Variants in ASH2L observed in about 807,000 individuals in gnomAD.
The protein encoded by ASH2L is ASH2 like, histone lysine methyltransferase complex subunit.
In ASH2L, 30 loss-of-function variants were observed where a neutral mutation model predicts 81.1. The observed-to-expected ratio is 0.37, with a 90% confidence interval of 0.28 to 0.50. The LOEUF (loss-of-function observed/expected upper bound fraction) is 0.50, where lower values mean the gene tolerates loss of function less well. Ranked by LOEUF, ASH2L falls within the 20% of genes least tolerant of loss-of-function variation. The pLI is 0.95. For synonymous variants in ASH2L, 273 were observed against 279.9 expected, an observed-to-expected ratio of 0.98 and a Z score of 0.24; for missense variants, 559 against 792.1, an observed-to-expected ratio of 0.71 and a Z score of 3.53.
intron 8 of ASH2L, among the ~76,000 whole-genome samples, chr8:38,118,434 C>T (rs1472360234): frequency 6.6e-6 from 1 of 152,206 alleles, no homozygotes. Flanking sequence ...TTCAGAAATA[C>T]ACAAGGTAAT....
intron 14 of ASH2L, among the ~76,000 whole-genome samples, chr8:38,137,041 C>A (rs1173105054): frequency 6.9e-6 from 1 of 145,794 alleles, no homozygotes; most frequent in Non-Finnish European, 1.5e-5. Flanking sequence ...TGCAGTGAGC[C>A]AAGATTACAC....
intron 14 of ASH2L, 145 bp downstream of exon 14, chr8:38,135,911 A>G: frequency 1.7e-6 from 1 of 581,032 alleles, no homozygotes; most frequent in Non-Finnish European, 3.0e-6. Context: ...TGTTTAGTCC[A>G]GAAACAGTTT....
At chr8:38,118,339 G>A (rs1279002823) in intron 8 of ASH2L, among the ~76,000 whole-genome samples, 2 of 152,180 alleles carry the variant, frequency 1.3e-5, no homozygotes, top group Admixed American at 1.3e-4. Flanking sequence ...GTGTTTTCCT[G>A]CAGTTCAGGG....
In ASH2L at chr8:38,110,424, C is replaced by T; in HGVS notation, c.447C>T (p.Val149=). The T allele has an allele frequency of 6.2e-7, 1 of 1,614,238 alleles. No individual in the cohort carries two copies. Among genetic ancestry groups the T allele is most frequent in the Admixed American group, 1.7e-5 (1 of 60,028 alleles). ...CCAACTACAGTTTTCATTGCAACGTCTGCCATCACAGTGGGAATACCTATT... is the reference window on the plus strand; with the variant it reads ...CCAACTACAGTTTTCATTGCAACGTTTGCCATCACAGTGGGAATACCTATT... The part of the protein sequence containing the change: ...FMTNYSFHCN[V]CHHSGNTYFL... Residue 149 remains valine, a synonymous_variant, in exon 4 of 16, where the codon GTC becomes GTT. Coordinates refer to ENST00000343823, the MANE Select transcript of ASH2L (RefSeq NM_004674.5).
chr8:38,109,116 A>T (rs1418212290), intron 3 of ASH2L, among the ~76,000 whole-genome samples: 1 of 152,180 alleles, frequency 6.6e-6, no homozygotes, highest in Non-Finnish European at 1.5e-5. Flanking sequence ...GTTAGGTGGG[A>T]TGGATTATCT....
intron 12 of ASH2L, among the ~76,000 whole-genome samples, chr8:38,131,442 G>A (rs987151910): frequency 6.6e-6 from 1 of 151,920 alleles, no homozygotes; most frequent in Non-Finnish European, 1.5e-5. Context: ...CCAGGAGCTC[G>A]AGGCCAGCCT....
intron 8 of ASH2L, among the ~76,000 whole-genome samples, chr8:38,117,160 C>G (rs1020360279): frequency 6.6e-6 from 1 of 152,168 alleles, no homozygotes; most frequent in Non-Finnish European, 1.5e-5. Flanking sequence ...TATTAACCAC[C>G]CATTGCAGCT....
intron 2 of ASH2L, 151 bp from the exon 3 acceptor site, chr8:38,106,870 C>T (rs557130867): frequency 2.4e-5 from 20 of 820,504 alleles, no homozygotes; most frequent in African/African-American, 1.6e-4. Context: ...GTGGCTCATG[C>T]CTGTAATCCC....
intron 8 of ASH2L, 96 bp downstream of exon 8, chr8:38,116,821 G>T: frequency 1.0e-6 from 1 of 1,001,670 alleles, no homozygotes. Flanking sequence ...CCTTAACCTG[G>T]ATACTTACTA....
At chr8:38,107,714 C>G (rs1342634120) in intron 3 of ASH2L, among the ~76,000 whole-genome samples, 1 of 151,978 alleles carries the variant, frequency 6.6e-6, no homozygotes, top group East Asian at 1.9e-4. Context: ...TTTCCTTATA[C>G]TGACTGTCTG....
chr8:38,135,032 C>T (rs1326074488), intron 13 of ASH2L, among the ~76,000 whole-genome samples: 5 of 151,426 alleles, frequency 3.3e-5, no homozygotes, highest in Non-Finnish European at 5.9e-5. Context: ...CCAAGGAGTC[C>T]ATGGAAGGCC....
intron 12 of ASH2L, among the ~76,000 whole-genome samples, chr8:38,129,716 T>G (rs889244038): frequency 4.6e-5 from 7 of 152,190 alleles, no homozygotes. Context: ...TTGTACCTCT[T>G]CTTGAACTTA....
In ASH2L at chr8:38,133,283, A is replaced by G. The variant is rs530665544; in HGVS notation, c.1528-171A>G. Among the ~76,000 whole-genome samples, 11 of 152,296 alleles carry G rather than the reference A, an allele frequency of 7.2e-5. No individual in the cohort carries two copies. In the South Asian group the frequency reaches 2.1e-3, roughly 29 times the overall value. On this transcript the variant is annotated intron_variant, in intron 12 of 15. Coordinates refer to ENST00000343823, the MANE Select transcript of ASH2L (RefSeq NM_004674.5). Reference sequence around the variant, plus strand: ...TTTTAATAAACATGTGCCATCTGGTATTTTTTAAGAAGTGTGTAATAGTTC... The same window carrying G: ...TTTTAATAAACATGTGCCATCTGGTGTTTTTTAAGAAGTGTGTAATAGTTC...
At chr8:38,125,230 A>G (rs540991024) in intron 10 of ASH2L, among the ~76,000 whole-genome samples, 1 of 152,226 alleles carries the variant, frequency 6.6e-6, no homozygotes, top group Non-Finnish European at 1.5e-5. Context: ...AGATTTTGCC[A>G]TGTTTGCTTT....
intron 3 of ASH2L, among the ~76,000 whole-genome samples, chr8:38,107,454 A>G (rs767138982): frequency 6.6e-6 from 1 of 152,204 alleles, no homozygotes; most frequent in African/African-American, 2.4e-5. Context: ...TATATAAACA[A>G]ATTTAGAACA....
At chr8:38,135,285 A>C (rs1301912535) in intron 13 of ASH2L, among the ~76,000 whole-genome samples, 1 of 152,092 alleles carries the variant, frequency 6.6e-6, no homozygotes, top group African/African-American at 2.4e-5. Context: ...TGTCTCTATA[A>C]AAAAATTTTA....
intron 1 of ASH2L, 193 bp from the exon 2 acceptor site, chr8:38,106,185 G>T (rs1280054675): frequency 2.0e-6 from 3 of 1,511,958 alleles, no homozygotes; most frequent in Non-Finnish European, 2.7e-6. Context: ...GTGCTCCGTG[G>T]GTCCGCGACT....
rs1434258942 is a variant in ASH2L, at chr8:38,121,649, T to C, written c.1165+500T>C. ...TTCCAAAGCCATTGCTTATCTTTCA[T>C]GACCATGATATTTTTAAGTGTTTTA... is the stretch of plus-strand genomic sequence containing the variant. On this transcript the variant is annotated intron_variant, in intron 10 of 15. Coordinates refer to ENST00000343823, the MANE Select transcript of ASH2L (RefSeq NM_004674.5). Among the ~76,000 whole-genome samples the C allele has an allele frequency of 2.6e-5, 4 of 152,294 alleles. No homozygotes were observed. The East Asian group carries it at 7.7e-4, about 29-fold the overall frequency.
Position 38,120,928 on chromosome 8 carries a change from G to T in ASH2L, c.948-4G>T. On this transcript the variant is annotated splice_region_variant and splice_polypyrimidine_tract_variant and intron_variant, in intron 9 of 15. Coordinates refer to ENST00000343823, the MANE Select transcript of ASH2L (RefSeq NM_004674.5). The stretch of plus-strand genomic sequence containing the variant: ...TTTTTGATGTTATTTTTTCCTTTCT[G>T]CAGTGACCCTTTGTTTTCTGCTCAG... 1.2e-6 allele frequency: 2 copies of T among 1,612,090 alleles called. No homozygotes were observed. The highest frequency in any genetic ancestry group is 1.7e-6 in the Non-Finnish European group (2 of 1,179,192).
Sources: allele counts gnomAD v4.1 joint callset (sites outside exome capture counted in the v4.1 genomes callset), GRCh38; gene constraint gnomAD v4.1.1; transcripts MANE v1.5; gene names NCBI Gene and HGNC (gene_info 2026-07-23, HGNC 2026-07-21).